The following GALNTL6 variants were observed in gnomAD, a reference collection of about 807,000 sequenced individuals.
GALNTL6 encodes polypeptide N-acetylgalactosaminyltransferase like 6.
A neutral mutation model predicts 73.7 loss-of-function variants in GALNTL6; 46 were observed. The observed-to-expected ratio is 0.62, with a 90% CI of 0.49 to 0.80. The LOEUF (loss-of-function observed/expected upper bound fraction) is 0.80, where lower values mean the gene tolerates loss of function less well. GALNTL6 is among the 30% of genes least tolerant of loss of function. GALNTL6 has a pLI of 0.00. For missense variants in GALNTL6, 604 were observed against 755.0 expected (o/e 0.80, Z 2.34); for synonymous variants, 259 against 263.7 (o/e 0.98, Z 0.17).
At chr4:172,633,525 A>T (rs1363614887) in intron 5 of GALNTL6, among the ~76,000 whole-genome samples, 1 of 152,124 alleles carries the variant, frequency 6.6e-6, no homozygotes, top group Non-Finnish European at 1.5e-5. Flanking sequence ...GAAGTAACTA[A>T]CTTGCTTTTG....
At chr4:172,575,323 G>A (rs1173558484) in intron 5 of GALNTL6, among the ~76,000 whole-genome samples, 4 of 152,108 alleles carry the variant, frequency 2.6e-5, no homozygotes, top group African/African-American at 9.7e-5. Flanking sequence ...TCCATCATAT[G>A]TTAAGAATTT....
At chr4:172,723,425 T>C (rs1735604208) in intron 5 of GALNTL6, among the ~76,000 whole-genome samples, 1 of 152,148 alleles carries the variant, frequency 6.6e-6, no homozygotes, top group Admixed American at 6.5e-5. Flanking sequence ...CATTTCCTCA[T>C]CTAATCATAG....
chr4:172,252,738 A>T (rs1232663470), intron 3 of GALNTL6, among the ~76,000 whole-genome samples: 1 of 152,084 alleles, frequency 6.6e-6, no homozygotes, highest in Non-Finnish European at 1.5e-5. Context: ...AGTATGGGAA[A>T]GAGGAAGATT....
intron 8 of GALNTL6, among the ~76,000 whole-genome samples, chr4:172,902,135 G>T (rs1347112916): frequency 2.0e-5 from 3 of 152,128 alleles, no homozygotes; most frequent in Non-Finnish European, 1.5e-5. Flanking sequence ...GCCTGAGACA[G>T]ACCTAACGAT....
At chr4:172,746,324 T>A (rs1205050978) in intron 5 of GALNTL6, among the ~76,000 whole-genome samples, 1 of 152,112 alleles carries the variant, frequency 6.6e-6, no homozygotes, top group Non-Finnish European at 1.5e-5. Context: ...ACAACAATGG[T>A]ACCAATTTGT....
rs183468178 is a variant in GALNTL6, at chr4:171,973,546, A to G, written c.138+158828A>G. 1.2e-4 allele frequency among the ~76,000 whole-genome samples: 19 copies of G among 152,112 alleles called. No homozygotes were observed. The East Asian group carries it at 3.1e-3, about 25-fold the overall frequency. On this transcript the variant is annotated intron_variant, in intron 2 of 12. Coordinates refer to ENST00000506823, the MANE Select transcript of GALNTL6 (RefSeq NM_001034845.3). ...CTGTGTCCAAATTTTTCTCTTATAAACCTAGTAGTCCTATTGAATTAAGGC... is the reference window on the plus strand; with the variant it reads ...CTGTGTCCAAATTTTTCTCTTATAAGCCTAGTAGTCCTATTGAATTAAGGC...
chr4:171,854,317 G>T (rs2110867335), intron 2 of GALNTL6, among the ~76,000 whole-genome samples: 1 of 152,240 alleles, frequency 6.6e-6, no homozygotes, highest in Non-Finnish European at 1.5e-5. Context: ...CCAAATAATG[G>T]ACTTCCCAGG....
At chr4:172,893,343 G>A (rs988104093) in intron 8 of GALNTL6, among the ~76,000 whole-genome samples, 1,969 of 135,958 alleles carry the variant, frequency 0.014, 74 homozygotes, top group African/African-American at 0.062. Context: ...TTCTGAGAGT[G>A]GCGGGGGGGG....
At chr4:172,033,827 T>C (rs1317781267) in intron 2 of GALNTL6, among the ~76,000 whole-genome samples, 1 of 152,118 alleles carries the variant, frequency 6.6e-6, no homozygotes, top group Non-Finnish European at 1.5e-5. Flanking sequence ...CTAGACCCTT[T>C]AGATAGACCA....
chr4:172,107,069 C>T (rs1732695216), intron 2 of GALNTL6, among the ~76,000 whole-genome samples: 1 of 152,142 alleles, frequency 6.6e-6, no homozygotes, highest in Admixed American at 6.5e-5. Flanking sequence ...GACTGGGTTT[C>T]TCCATGTTGG....
intron 2 of GALNTL6, among the ~76,000 whole-genome samples, chr4:171,984,833 A>T (rs1223775413): frequency 6.6e-6 from 1 of 152,170 alleles, no homozygotes; most frequent in Non-Finnish European, 1.5e-5. Context: ...AGCCATGGGA[A>T]GTGACTGAGT....
chr4:172,527,373 T>C (rs953251500), intron 5 of GALNTL6, among the ~76,000 whole-genome samples: 1 of 152,102 alleles, frequency 6.6e-6, no homozygotes, highest in Non-Finnish European at 1.5e-5. Flanking sequence ...TATTGACCAG[T>C]TTGTTTAAAA....
At chr4:172,064,327 C>G (rs181178304) in intron 2 of GALNTL6, among the ~76,000 whole-genome samples, 1 of 152,274 alleles carries the variant, frequency 6.6e-6, no homozygotes, top group East Asian at 1.9e-4. Flanking sequence ...GGTGCCCATA[C>G]TGCTGCATCA....
At chr4:172,106,511 G>T (rs950634346) in intron 2 of GALNTL6, among the ~76,000 whole-genome samples, 1 of 152,084 alleles carries the variant, frequency 6.6e-6, no homozygotes, top group African/African-American at 2.4e-5. Flanking sequence ...TTGTTTTGGA[G>T]ATTTTGTGCT....
intron 4 of GALNTL6, among the ~76,000 whole-genome samples, chr4:172,344,618 G>T (rs1741679431): frequency 6.6e-6 from 1 of 152,172 alleles, no homozygotes; most frequent in Non-Finnish European, 1.5e-5. Flanking sequence ...AGTACTTCAT[G>T]TTGACTGCAG....
In GALNTL6 at chr4:172,264,597, G is replaced by A. The variant is rs1474606735; in HGVS notation, c.247+34833G>A. Among the ~76,000 whole-genome samples the A allele has an allele frequency of 1.7e-3, 96 of 55,460 alleles. 1 individual carries two copies. The highest frequency in any genetic ancestry group is 4.7e-3 in the African/African-American group (88 of 18,670). 36.4% of individuals were successfully genotyped at this position (55,460 alleles called of 152,430 possible). On this transcript the variant is annotated intron_variant, in intron 3 of 12. Transcript: ENST00000506823. The stretch of plus-strand genomic sequence containing the variant: ...ATATATATATATATATATATATTTG[G>A]CATATATATACACATATAATATATT...
intron 2 of GALNTL6, among the ~76,000 whole-genome samples, chr4:171,852,663 T>C (rs941718921): frequency 1.3e-5 from 2 of 152,158 alleles, no homozygotes; most frequent in Non-Finnish European, 2.9e-5. Flanking sequence ...AAAACCCATG[T>C]ATCATGATTT....
chr4:172,803,694 T>C (rs2110968713), intron 5 of GALNTL6, among the ~76,000 whole-genome samples: 1 of 152,378 alleles, frequency 6.6e-6, no homozygotes, highest in South Asian at 2.1e-4. Flanking sequence ...GGTGACATTC[T>C]AATTCTTTTT....
chr4:172,576,389 G>T (rs1009727952), intron 5 of GALNTL6, among the ~76,000 whole-genome samples: 2 of 152,114 alleles, frequency 1.3e-5, no homozygotes, highest in East Asian at 3.8e-4. Context: ...ACAAAAGAAT[G>T]ACTCAAAAGG....
Sources: gnomAD v4.1 joint callset for allele counts (sites outside exome capture counted in the v4.1 genomes callset) on GRCh38, gnomAD v4.1.1 for gene constraint, MANE v1.5 for transcripts, NCBI Gene and HGNC (gene_info 2026-07-23, HGNC 2026-07-21) for gene names.